Variants in CACNA2D3 observed in about 807,000 individuals in gnomAD.
CACNA2D3 encodes the protein calcium voltage-gated channel auxiliary subunit alpha2delta 3.
In CACNA2D3, 60 loss-of-function variants were observed where a neutral mutation model predicts 160.6. That is an observed-to-expected ratio of 0.37 (90% CI 0.30 to 0.46). The LOEUF (loss-of-function observed/expected upper bound fraction) is 0.46, where lower values mean the gene tolerates loss of function less well. Ranked by LOEUF, CACNA2D3 falls within the 20% of genes least tolerant of loss-of-function variation. The probability of loss-of-function intolerance (pLI) is 1.00; values close to 1 mark genes in which losing one functional copy is unlikely to be tolerated. For synonymous variants in CACNA2D3, 558 were observed against 492.9 expected, an observed-to-expected ratio of 1.13 and a Z score of -1.75; for missense variants, 1,205 against 1,365.0, an observed-to-expected ratio of 0.88 and a Z score of 1.85.
intron 35 of CACNA2D3, among the ~76,000 whole-genome samples, chr3:55,065,649 A>G (rs1028229315): frequency 6.6e-6 from 1 of 151,758 alleles, no homozygotes; most frequent in Non-Finnish European, 1.5e-5. Context: ...CCTGGACGAC[A>G]GAGCAAGACC....
intron 11 of CACNA2D3, among the ~76,000 whole-genome samples, chr3:54,660,245 C>G (rs1699944250): frequency 6.6e-6 from 1 of 151,784 alleles, no homozygotes; most frequent in African/African-American, 2.4e-5. Context: ...ACTGCAAGCT[C>G]CGCCTCCCAA....
At chr3:55,021,599 TTA>T (rs56044949) in intron 35 of CACNA2D3, among the ~76,000 whole-genome samples, 40,785 of 141,488 alleles carry the variant, frequency 0.29, 6,001 homozygotes, top group Admixed American at 0.33. Flanking sequence ...CATCTCTAAA[TTA>T]TATATATATA....
chr3:54,427,164 G>A (rs940832195), intron 4 of CACNA2D3, among the ~76,000 whole-genome samples: 3 of 152,142 alleles, frequency 2.0e-5, no homozygotes, highest in Admixed American at 2.0e-4. Context: ...GATGCCCTCT[G>A]CCTGGTCATT....
intron 27 of CACNA2D3, among the ~76,000 whole-genome samples, chr3:54,946,818 A>T (rs1449409670): frequency 3.9e-5 from 3 of 76,306 alleles, no homozygotes; most frequent in African/African-American, 1.3e-4. Flanking sequence ...GTGGTTTATT[A>T]AAAAAAAAAA....
In CACNA2D3 at chr3:54,476,078, A is replaced by G. The variant is rs577684188; in HGVS notation, c.382-27414A>G. ...TTTTTTTTTTTAGATTTCACATATAAGTGAGATCATGCAGTATTTGTCTTT... is the reference window on the plus strand; with the variant it reads ...TTTTTTTTTTTAGATTTCACATATAGGTGAGATCATGCAGTATTTGTCTTT... On this transcript the variant is annotated intron_variant, in intron 4 of 37. Transcript: ENST00000474759. Among the ~76,000 whole-genome samples, 8 of 148,482 alleles carry G rather than the reference A, an allele frequency of 5.4e-5. No individual in the cohort carries two copies. The South Asian group carries it at 1.7e-3, about 32-fold the overall frequency.
intron 14 of CACNA2D3, among the ~76,000 whole-genome samples, chr3:54,832,206 A>G (rs1703896308): frequency 1.3e-5 from 2 of 152,136 alleles, no homozygotes; most frequent in Admixed American, 1.3e-4. Context: ...AAAAAGAAAA[A>G]CATCTCAGGT....
chr3:54,644,201 A>G (rs763215253), intron 11 of CACNA2D3, among the ~76,000 whole-genome samples: 3 of 152,238 alleles, frequency 2.0e-5, no homozygotes, highest in South Asian at 4.2e-4. Flanking sequence ...AATGAATAGT[A>G]TTCATTTTAG....
intron 13 of CACNA2D3, among the ~76,000 whole-genome samples, chr3:54,812,657 G>A (rs1237017392): frequency 6.6e-6 from 1 of 152,164 alleles, no homozygotes; most frequent in Admixed American, 6.5e-5. Context: ...CAGATGGAAT[G>A]GCCCATGAGG....
At chr3:54,146,332 G>A (rs1022641904) in intron 2 of CACNA2D3, among the ~76,000 whole-genome samples, 5 of 152,200 alleles carry the variant, frequency 3.3e-5, no homozygotes, top group South Asian at 2.1e-4. Context: ...TCTAGTTCCC[G>A]AGCACAGGGA....
intron 35 of CACNA2D3, among the ~76,000 whole-genome samples, chr3:55,046,013 C>T (rs1258861093): frequency 6.6e-6 from 1 of 151,790 alleles, no homozygotes; most frequent in African/African-American, 2.4e-5. Context: ...CTAATATAAA[C>T]ATTTAATATT....
At chr3:54,478,660 G>GTGTATATATATATATATATATATTGCTA in intron 4 of CACNA2D3, among the ~76,000 whole-genome samples, 1 of 36,378 alleles carries the variant, frequency 2.7e-5, no homozygotes, top group African/African-American at 7.2e-5. Flanking sequence ...ATATGTGTGT[G>GTGTATATATATATATATATATATTGCTA]TATATATATA....
chr3:55,012,928 G>A (rs1362598423), intron 34 of CACNA2D3, among the ~76,000 whole-genome samples: 1 of 151,908 alleles, frequency 6.6e-6, no homozygotes, highest in Non-Finnish European at 1.5e-5. Context: ...CACCCCAGCT[G>A]GACCAAAAGT....
At chr3:54,127,623 T>C (rs763158802) in intron 2 of CACNA2D3, among the ~76,000 whole-genome samples, 1 of 152,232 alleles carries the variant, frequency 6.6e-6, no homozygotes, top group Non-Finnish European at 1.5e-5. Context: ...CCATCCTGAA[T>C]GATAAATGCG....
At chr3:54,127,805 A>T (rs1172715919) in intron 2 of CACNA2D3, among the ~76,000 whole-genome samples, 1 of 152,240 alleles carries the variant, frequency 6.6e-6, no homozygotes, top group African/African-American at 2.4e-5. Flanking sequence ...GAGCAGGGCA[A>T]ACCAATGAGC....
intron 5 of CACNA2D3, among the ~76,000 whole-genome samples, chr3:54,514,117 TC>T (rs2106968963): frequency 6.6e-6 from 1 of 152,374 alleles, no homozygotes; most frequent in South Asian, 2.1e-4. Flanking sequence ...TCCAATTTCT[TC>T]CCTTTATGAA....
At chr3:54,609,035 C>T (rs1446326177) in intron 9 of CACNA2D3, among the ~76,000 whole-genome samples, 2 of 152,138 alleles carry the variant, frequency 1.3e-5, no homozygotes, top group East Asian at 3.9e-4. Context: ...AATCATGTCC[C>T]CCCAACAACT....
intron 11 of CACNA2D3, among the ~76,000 whole-genome samples, chr3:54,696,034 C>G (rs1700658747): frequency 6.6e-6 from 1 of 152,144 alleles, no homozygotes; most frequent in Admixed American, 6.5e-5. Flanking sequence ...ACTTGTCTCC[C>G]CCAGTGTGGT....
chr3:54,171,648 A>G (rs1700573382), intron 2 of CACNA2D3, among the ~76,000 whole-genome samples: 1 of 152,212 alleles, frequency 6.6e-6, no homozygotes, highest in Non-Finnish European at 1.5e-5. Flanking sequence ...TGTTCAAGCT[A>G]CCAGCCAGAG....
intron 2 of CACNA2D3, among the ~76,000 whole-genome samples, chr3:54,208,122 T>G (rs1467024652): frequency 6.6e-6 from 1 of 152,212 alleles, no homozygotes; most frequent in African/African-American, 2.4e-5. Context: ...CCTTTCTTTT[T>G]GAGATGGAGT....
Sources: gnomAD v4.1 joint callset for allele counts (sites outside exome capture counted in the v4.1 genomes callset) on GRCh38, gnomAD v4.1.1 for gene constraint, MANE v1.5 for transcripts, NCBI Gene and HGNC (gene_info 2026-07-23, HGNC 2026-07-21) for gene names.